Variants in CTU2 observed in about 807,000 individuals in gnomAD.
CTU2 encodes cytoplasmic tRNA 2-thiolation protein 2.
Under a neutral mutation model 64.1 loss-of-function variants are expected in CTU2, and 80 were observed. That is an observed-to-expected ratio of 1.25 (90% CI 1.04 to 1.50). CTU2 has a LOEUF of 1.50. Ranked by LOEUF, CTU2 falls within the 40% of genes most tolerant of loss-of-function variation. The probability of loss-of-function intolerance (pLI) is 0.00; values close to 1 mark genes in which losing one functional copy is unlikely to be tolerated. For missense variants in CTU2, 1,110 were observed against 690.2 expected (o/e 1.61, Z -6.81); for synonymous variants, 482 against 285.3 (o/e 1.69, Z -6.95).
chr16:88,707,279 G>C (rs1357051042), intron 2 of CTU2, 69 bp downstream of exon 2: 1 of 1,350,764 alleles, frequency 7.4e-7, no homozygotes, highest in African/African-American at 1.4e-5. Context: ...GCCGCAACTT[G>C]TGATGCTTTG....
rs762019291 is a variant in CTU2 at position 88,715,197 on chromosome 16, G to T, written c.1494G>T (p.Gln498His). 3.7e-6 allele frequency: 6 copies of T among 1,612,356 alleles called. No individual in the cohort carries two copies. Among genetic ancestry groups the T allele is most frequent in the Non-Finnish European group, 5.1e-6 (6 of 1,179,880 alleles). Residue 498 changes from glutamine to histidine, a missense_variant, in exon 15 of 15, where the codon CAG (glutamine) becomes CAT (histidine). Gln to His is a conservative substitution (Grantham distance 24). Transcript: ENST00000453996. ...TTCTCTCTAGGGCCTGGGGCTTGCA[G>T]GAGATCCGGGACTGTCTGATTGAGG... ...QLRTQRAWGL[Q>H]EIRDCLIEDS...
Position 88,712,878 on chromosome 16 carries a change from C to T in CTU2, c.710C>T (p.Ala237Val), listed in dbSNP as rs200180602. The T allele has an allele frequency of 1.4e-4, 221 of 1,535,430 alleles. No homozygotes were observed. Among genetic ancestry groups the T allele is most frequent in the Middle Eastern group, 4.3e-4 (2 of 4,670 alleles). Residue 237 changes from alanine (A) to valine (V), a missense_variant, in exon 7 of 15, where the codon GCC becomes GTC. Transcript: ENST00000453996. ...TTCTGCTCAGTGAGGACACTGACTG[C>T]CAAGGAGGAGCTTCTGCAGACCCTG... ...QLFCSVRTLTAKEELLQTLRT... is the reference protein window; with the variant it reads ...QLFCSVRTLTVKEELLQTLRT...
chr16:88,708,784 G>A (rs1567645863), intron 2 of CTU2, among the ~76,000 whole-genome samples: 1 of 152,144 alleles, frequency 6.6e-6, no homozygotes, highest in Non-Finnish European at 1.5e-5. Context: ...GACTCTTGCA[G>A]TGGCATTGTC....
chr16:88,714,244 G>T lies in CTU2; in HGVS notation c.1097+17G>T. 6.2e-7 allele frequency: 1 copy of T among 1,603,526 alleles called. No individual in the cohort carries two copies. Among genetic ancestry groups the T allele is most frequent in the Non-Finnish European group, 8.5e-7 (1 of 1,176,102 alleles). ...TGTGTACAGGTGTGGGTGTGTGTGG[G>T]TGTGTGCGGGGGGTGCGCGGGTGTG... On this transcript the variant is annotated intron_variant, in intron 10 of 14. Transcript: ENST00000453996.
chr16:88,715,340 T>C lies in CTU2; in HGVS notation c.*89T>C, dbSNP rs1597437666. 7.5e-7 allele frequency: 1 copy of C among 1,331,312 alleles called. No homozygotes were observed. 82.5% of individuals were successfully genotyped at this position (1,331,312 alleles called of 1,614,324 possible). On this transcript the variant is annotated 3_prime_UTR_variant, in exon 15 of 15. Transcript: ENST00000453996. ...AAGGCAAGGACGGGGGACTGGCCTC[T>C]GATTGTCCATTTGTATAAATAAAAC...
rs373232663 is a variant in CTU2 at position 88,714,935 on chromosome 16, G to T, written c.1419+9G>T. The T allele has an allele frequency of 5.6e-6, 9 of 1,612,344 alleles. No individual in the cohort carries two copies. Among genetic ancestry groups the T allele is most frequent in the South Asian group, 4.4e-5 (4 of 91,090 alleles). ...TGAACATGAAGGACTTGGTGAGTACGTGCCCACCTGTCCTGGGCCGGGCTT... is the reference window on the plus strand; with the variant it reads ...TGAACATGAAGGACTTGGTGAGTACTTGCCCACCTGTCCTGGGCCGGGCTT... On this transcript the variant is annotated intron_variant, in intron 13 of 14. Coordinates refer to ENST00000453996, the MANE Select transcript of CTU2 (RefSeq NM_001012759.3).
rs201111272 is a variant in CTU2, at chr16:88,713,654, C to G, written c.881C>G (p.Ser294Trp). Residue 294 changes from serine (S) to tryptophan (W), a missense_variant, in exon 9 of 15, where the codon TCG (serine) becomes TGG (tryptophan). Physicochemically the swap from Ser to Trp is radical, Grantham distance 177 (BLOSUM62 -3). Coordinates refer to ENST00000453996, the MANE Select transcript of CTU2 (RefSeq NM_001012759.3). ...GAFLAWDTGFSDERHGDVVVV... is the reference protein window; with the variant it reads ...GAFLAWDTGFWDERHGDVVVV... ...AGCCCCTGCCTCCCGCAGGGCTTCT[C>G]GGATGAGCGGCACGGGGACGTGGTG... 6.2e-7 allele frequency: 1 copy of G among 1,612,034 alleles called. No individual in the cohort carries two copies. Among genetic ancestry groups the G allele is most frequent in the African/African-American group, 1.3e-5 (1 of 74,932 alleles).
intron 9 of CTU2, 36 bp downstream of exon 9, chr16:88,713,814 T>C (rs1281866429): frequency 3.7e-6 from 6 of 1,610,612 alleles, no homozygotes; most frequent in Non-Finnish European, 3.4e-6. Context: ...CTCTCACCAT[T>C]GACACCGGGG....
intron 4 of CTU2, chr16:88,710,976 G>A (rs112514287): frequency 0.015 from 2,255 of 153,030 alleles, 52 homozygotes; most frequent in African/African-American, 0.052. Context: ...GCACAGGAGC[G>A]GGATGTGCTT....
At chr16:88,714,285 T>C in intron 10 of CTU2, 58 bp downstream of exon 10, 2 of 1,477,000 alleles carry the variant, frequency 1.4e-6, no homozygotes, top group South Asian at 1.1e-5. Context: ...TGCGCGGGTG[T>C]GTGCGGGTGG....
chr16:88,712,341 G>T lies in CTU2; in HGVS notation c.411G>T (p.Leu137=). ...CCCTGGCCGAAGTGAAGCCCATTCT[G>T]CAAGCAACTGGGTTCCCATGGCATG... The part of the protein sequence containing the change: ...SKTLAEVKPI[L]QATGFPWHVV... The change falls in exon 6 of 15, where the codon CTG becomes CTT. Residue 137 remains leucine, a synonymous_variant. Transcript: ENST00000453996. 6.2e-7 allele frequency: 1 copy of T among 1,610,674 alleles called. No homozygotes were observed. The highest frequency in any genetic ancestry group is 1.1e-5 in the South Asian group (1 of 90,282).
At chr16:88,710,062 G>T in intron 3 of CTU2, 46 bp downstream of exon 3, 1 of 1,603,912 alleles carries the variant, frequency 6.2e-7, no homozygotes, top group Non-Finnish European at 8.5e-7. Flanking sequence ...CTGGCCCCTC[G>T]AGGTCCCTGC....
chr16:88,711,785 C>T (rs1173060157), intron 5 of CTU2, 90 bp downstream of exon 5: 61 of 1,241,856 alleles, frequency 4.9e-5, no homozygotes, highest in Middle Eastern at 4.2e-4. Flanking sequence ...CCTCTGGTGC[C>T]GGTCCTCCCT....
intron 5 of CTU2, 113 bp downstream of exon 5, chr16:88,711,808 G>A: frequency 9.9e-7 from 1 of 1,007,540 alleles, no homozygotes; most frequent in Non-Finnish European, 1.5e-6. Flanking sequence ...GGTAGGATGT[G>A]TTGAGCTACT....
rs201932231 is a variant in CTU2, at chr16:88,713,297, C to T, written c.738-15C>T. 176 of 1,535,012 alleles carry T rather than the reference C, an allele frequency of 1.1e-4. No homozygotes were observed. Among genetic ancestry groups the T allele is most frequent in the African/African-American group, 1.1e-3 (77 of 68,592 alleles). Reference sequence around the variant, plus strand: ...TCCTGCACCCCCCAGGCCCCTGAGACGCTCTGTGCTTTAGGACCCACCTGA... The same window carrying T: ...TCCTGCACCCCCCAGGCCCCTGAGATGCTCTGTGCTTTAGGACCCACCTGA... On this transcript the variant is annotated splice_polypyrimidine_tract_variant and intron_variant, in intron 7 of 14. Coordinates refer to ENST00000453996, the MANE Select transcript of CTU2 (RefSeq NM_001012759.3).
chr16:88,712,823 C>T lies in CTU2; in HGVS notation c.655C>T (p.Pro219Ser), dbSNP rs201058922. Reference protein sequence around the residue: ...DPQNLARPPAPAQTEALSQLF... With the variant: ...DPQNLARPPASAQTEALSQLF... ...CCAGAACCTGGCAAGACCGCCTGCC[C>T]CTGCCCAGACTGAGGCTCTTTCCCA... The change falls in exon 7 of 15, where the codon CCT (proline) becomes TCT (serine). Residue 219 changes from proline (P) to serine (S), a missense_variant. Transcript: ENST00000453996. 6 of 1,596,538 alleles carry T rather than the reference C, an allele frequency of 3.8e-6. No homozygotes were observed. The highest frequency in any genetic ancestry group is 4.5e-5 in the East Asian group (2 of 44,808).
chr16:88,711,185 G>T (rs1383307300), intron 4 of CTU2, among the ~76,000 whole-genome samples: 1 of 152,194 alleles, frequency 6.6e-6, no homozygotes, highest in Non-Finnish European at 1.5e-5. Context: ...TGTTGTGAGG[G>T]AACTGGCCCA....
rs772980100 is a variant in CTU2 at position 88,713,404 on chromosome 16, C to T, written c.830C>T (p.Thr277Ile). 34 of 1,602,802 alleles carry T rather than the reference C, an allele frequency of 2.1e-5. No homozygotes were observed. Among genetic ancestry groups the T allele is most frequent in the Non-Finnish European group, 2.5e-5 (29 of 1,176,754 alleles). ...SCTRLAIKLMTNLALGRGAFL... is the reference protein window; with the variant it reads ...SCTRLAIKLMINLALGRGAFL... ...ACACGCTTGGCTATCAAGCTCATGACCAACCTGGCGCTGGGTCGAGGGGCC... is the reference window on the plus strand; with the variant it reads ...ACACGCTTGGCTATCAAGCTCATGATCAACCTGGCGCTGGGTCGAGGGGCC... Residue 277 changes from threonine to isoleucine, a missense_variant, in exon 8 of 15, where the codon ACC becomes ATC. Physicochemically the swap from Thr to Ile is moderately conservative, Grantham distance 89. Transcript: ENST00000453996.
In CTU2 at chr16:88,714,282, G is replaced by T. The variant is rs963170461; in HGVS notation, c.1097+55G>T. On this transcript the variant is annotated intron_variant, in intron 10 of 14. Transcript: ENST00000453996. ...GTGCGCGGGTGTGTGCTGTGCGCGG[G>T]TGTGTGCGGGTGGTGAGCTCACCAC... is the stretch of plus-strand genomic sequence containing the variant. The T allele has an allele frequency of 7.0e-5, 85 of 1,209,310 alleles. 1 individual carries two copies. In the East Asian group the frequency reaches 2.0e-3, roughly 29 times the overall value. 74.9% of individuals were successfully genotyped at this position (1,209,310 alleles called of 1,614,324 possible). A position where few individuals can be genotyped will look rare whatever the true frequency, so the allele number is the denominator to read the frequency against.
Sources: gnomAD v4.1 joint callset for allele counts (sites outside exome capture counted in the v4.1 genomes callset) on GRCh38, gnomAD v4.1.1 for gene constraint, MANE v1.5 for transcripts, NCBI Gene and HGNC (gene_info 2026-07-23, HGNC 2026-07-21) for gene names.